Variants in LRP1B observed in about 807,000 individuals in gnomAD.
LRP1B encodes the protein low-density lipoprotein receptor-related protein 1B.
Under a neutral mutation model 556.6 loss-of-function variants are expected in LRP1B, and 217 were observed. The observed-to-expected ratio is 0.39, with a 90% CI of 0.35 to 0.44. The LOEUF is 0.44. Among genes scored for constraint, LRP1B ranks in the 20% least tolerant of loss-of-function variants. The pLI, the probability that LRP1B is intolerant of heterozygous loss-of-function variation, is 1.00. For missense variants in LRP1B, 5,053 were observed against 5,620.8 expected (o/e 0.90, Z 3.23); for synonymous variants, 2,047 against 1,865.8 (o/e 1.10, Z -2.50).
chr2:142,084,134 C>A (rs1462735980), intron 1 of LRP1B, among the ~76,000 whole-genome samples: 1 of 152,042 alleles, frequency 6.6e-6, no homozygotes, highest in Admixed American at 6.5e-5. Flanking sequence ...TGTGTTGCCA[C>A]CATGCCTGGC....
chr2:141,136,010 A>T (rs1701483124), intron 7 of LRP1B, among the ~76,000 whole-genome samples: 1 of 151,972 alleles, frequency 6.6e-6, no homozygotes, highest in Non-Finnish European at 1.5e-5. Context: ...TGTGCAGATA[A>T]TGGAGAGTGG....
intron 14 of LRP1B, among the ~76,000 whole-genome samples, chr2:141,009,098 G>T (rs1697664380): frequency 6.6e-6 from 1 of 151,698 alleles, no homozygotes; most frequent in Admixed American, 6.6e-5. Context: ...TTCTATATGT[G>T]TCCTGGACTC....
chr2:140,470,619 T>G (rs1443510795), intron 60 of LRP1B, among the ~76,000 whole-genome samples: 2 of 110,530 alleles, frequency 1.8e-5, no homozygotes, highest in African/African-American at 7.0e-5. Flanking sequence ...CAGTCTGGCC[T>G]GGGTGAAAGA....
At chr2:140,929,200 AG>A (rs1025989352) in intron 20 of LRP1B, among the ~76,000 whole-genome samples, 14 of 152,138 alleles carry the variant, frequency 9.2e-5, no homozygotes, top group African/African-American at 3.4e-4. Flanking sequence ...ATTTCAGAAT[AG>A]TGATTATTCA....
At chr2:141,870,382 TGG>T (rs113161705) in intron 1 of LRP1B, among the ~76,000 whole-genome samples, 13 of 152,030 alleles carry the variant, frequency 8.6e-5, no homozygotes, top group African/African-American at 2.9e-4. Flanking sequence ...AACCACACTC[TGG>T]GGTTTCAATA....
chr2:141,159,404 T>A (rs1167270843), intron 7 of LRP1B, among the ~76,000 whole-genome samples: 1 of 152,114 alleles, frequency 6.6e-6, no homozygotes, highest in Non-Finnish European at 1.5e-5. Flanking sequence ...TTTTTTTGTT[T>A]GTTTGTTTTT....
At chr2:140,584,291 C>G (rs1185136900) in intron 43 of LRP1B, among the ~76,000 whole-genome samples, 3 of 151,850 alleles carry the variant, frequency 2.0e-5, no homozygotes, top group Non-Finnish European at 4.4e-5. Flanking sequence ...CTTTTATCTG[C>G]TCAATTATTT....
Position 140,681,958 on chromosome 2 carries a change from A to C in LRP1B, c.6799+18292T>G, listed in dbSNP as rs200416541. On this transcript the variant is annotated intron_variant, in intron 41 of 90. Transcript: ENST00000389484. ...AATTTCATGAATGGGAGAAACAAGA[A>C]AGGCATGTGTGGATGTAACTATATG... 2.6e-5 allele frequency among the ~76,000 whole-genome samples: 4 copies of C among 152,370 alleles called. No homozygotes were observed. In the East Asian group the frequency reaches 7.7e-4, roughly 29 times the overall value.
chr2:141,382,764 C>T (rs967097400), intron 3 of LRP1B, among the ~76,000 whole-genome samples: 1 of 152,176 alleles, frequency 6.6e-6, no homozygotes, highest in Non-Finnish European at 1.5e-5. Flanking sequence ...GAATTTATTT[C>T]TGGGTTGCCA....
chr2:140,799,189 A>G (rs1302325315), intron 32 of LRP1B, among the ~76,000 whole-genome samples: 1 of 152,194 alleles, frequency 6.6e-6, no homozygotes, highest in Non-Finnish European at 1.5e-5. Context: ...TCTGCTATGA[A>G]CTGAATTATG....
Position 140,335,703 on chromosome 2 carries a change from C to T in LRP1B, c.12028G>A (p.Val4010Ile), listed in dbSNP as rs267598907. The T allele has an allele frequency of 1.9e-6, 3 of 1,612,418 alleles. No individual in the cohort carries two copies. Among genetic ancestry groups the T allele is most frequent in the Non-Finnish European group, 1.7e-6 (2 of 1,178,806 alleles). The stretch of plus-strand genomic sequence containing the variant: ...CAGTTGGGGCCATTCAGCTGCCCTA[C>T]GTTGATAGAGTACCTCAGACTGGTC... ...HWTSLRYSIN[V>I]GQLNGPNCTR... Residue 4010 changes from valine to isoleucine, a missense_variant, in exon 78 of 91, where the codon GTA (valine) becomes ATA (isoleucine). By Grantham distance (29) the Val-to-Ile change is conservative (BLOSUM62 3). Coordinates refer to ENST00000389484, the MANE Select transcript of LRP1B (RefSeq NM_018557.3).
At chr2:141,200,044 T>A (rs1382543021) in intron 6 of LRP1B, among the ~76,000 whole-genome samples, 1 of 152,184 alleles carries the variant, frequency 6.6e-6, no homozygotes, top group East Asian at 1.9e-4. Flanking sequence ...AAAGTAGAAC[T>A]ACCATTGGAC....
At chr2:140,544,646 C>G (rs1438244379) in intron 43 of LRP1B, among the ~76,000 whole-genome samples, 1 of 152,024 alleles carries the variant, frequency 6.6e-6, no homozygotes, top group African/African-American at 2.4e-5. Flanking sequence ...CTACAAAGGA[C>G]AAGATCTTGT....
chr2:140,712,317 G>A (rs1687060396), intron 37 of LRP1B, among the ~76,000 whole-genome samples: 1 of 152,122 alleles, frequency 6.6e-6, no homozygotes, highest in Middle Eastern at 3.4e-3. Flanking sequence ...TTAAATATTT[G>A]CTTGATCTCT....
chr2:140,616,992 T>G (rs1683279737), intron 41 of LRP1B, among the ~76,000 whole-genome samples: 1 of 151,920 alleles, frequency 6.6e-6, no homozygotes, highest in South Asian at 2.1e-4. Flanking sequence ...ATTTATAGTG[T>G]GTATTTGGGC....
At chr2:141,750,386 C>A (rs906962305) in intron 2 of LRP1B, among the ~76,000 whole-genome samples, 2 of 152,100 alleles carry the variant, frequency 1.3e-5, no homozygotes, top group African/African-American at 4.8e-5. Flanking sequence ...ATTTCTTATT[C>A]TCTGACTGAA....
intron 23 of LRP1B, among the ~76,000 whole-genome samples, chr2:140,902,150 CCAAA>C (rs915968264): frequency 2.2e-4 from 34 of 152,222 alleles, no homozygotes; most frequent in African/African-American, 7.0e-4. Context: ...TAATATTTTC[CCAAA>C]CAAAGTTCCT....
chr2:140,656,034 G>A (rs1186253835), intron 41 of LRP1B, among the ~76,000 whole-genome samples: 2 of 152,196 alleles, frequency 1.3e-5, no homozygotes, highest in Non-Finnish European at 2.9e-5. Flanking sequence ...AGTGGTTTAA[G>A]TGGTACATAG....
intron 2 of LRP1B, among the ~76,000 whole-genome samples, chr2:141,621,728 T>C (rs1381701215): frequency 1.3e-5 from 2 of 152,210 alleles, no homozygotes; most frequent in African/African-American, 4.8e-5. Flanking sequence ...GTCAGAGATA[T>C]TTCTTTCACA....
Sources: gnomAD v4.1 joint callset for allele counts (sites outside exome capture counted in the v4.1 genomes callset) on GRCh38, gnomAD v4.1.1 for gene constraint, MANE v1.5 for transcripts, NCBI Gene and HGNC (gene_info 2026-07-23, HGNC 2026-07-21) for gene names.